Variants in HERC2 observed in about 807,000 individuals in gnomAD.
HERC2 encodes HECT and RLD domain containing E3 ubiquitin protein ligase 2.
Under a neutral mutation model 537.7 loss-of-function variants are expected in HERC2, and 102 were observed. The observed-to-expected ratio is 0.19, with a 90% CI of 0.16 to 0.22. HERC2 has a LOEUF of 0.22. Among genes scored for constraint, HERC2 ranks in the 10% least tolerant of loss-of-function variants. The pLI, the probability that HERC2 is intolerant of heterozygous loss-of-function variation, is 1.00. For synonymous variants in HERC2, 2,224 were observed against 2,466.2 expected (o/e 0.90, Z 2.91); for missense variants, 4,236 against 6,198.2 (o/e 0.68, Z 10.63).
chr15:28,217,356 C>A (rs1194898373), intron 38 of HERC2, among the ~76,000 whole-genome samples: 1 of 152,156 alleles, frequency 6.6e-6, no homozygotes, highest in Non-Finnish European at 1.5e-5. Context: ...CAACCACATG[C>A]TACCAACACA....
intron 2 of HERC2, chr15:28,320,121 C>CT (rs545538805): frequency 0.029 from 4,180 of 146,514 alleles, 60 homozygotes; most frequent in African/African-American, 0.097. Flanking sequence ...TCCACAACAG[C>CT]TTTTTTTTTT....
chr15:28,214,554 C>T (rs1327032208), intron 40 of HERC2, 101 bp downstream of exon 40: 2 of 1,440,498 alleles, frequency 1.4e-6, no homozygotes, highest in South Asian at 2.3e-5. Flanking sequence ...GGCACTGCGC[C>T]GCTCTTCACC....
chr15:28,153,735 C>T (rs958822197), intron 69 of HERC2, among the ~76,000 whole-genome samples: 3 of 152,192 alleles, frequency 2.0e-5, no homozygotes, highest in Non-Finnish European at 2.9e-5. Context: ...AATGAAACAC[C>T]GTGGTGACAA....
At chr15:28,164,807 A>C (rs921556997) in intron 68 of HERC2, among the ~76,000 whole-genome samples, 11 of 152,240 alleles carry the variant, frequency 7.2e-5, no homozygotes, top group African/African-American at 2.7e-4. Flanking sequence ...TAAAACAAAA[A>C]TGTTGCCTTC....
chr15:28,157,575 G>A (rs903750682), intron 69 of HERC2, among the ~76,000 whole-genome samples: 45 of 152,256 alleles, frequency 3.0e-4, no homozygotes, highest in African/African-American at 1.0e-3. Flanking sequence ...GTACTTCTAT[G>A]GAATCAGTGG....
In HERC2 at chr15:28,233,648, A is replaced by G. The variant is rs1474252670; in HGVS notation, c.4351+16T>C. Reference sequence around the variant, plus strand: ...TCTGCAGTGTACCTAAAGTACACAGATATCGAGCTCCTTACCTAAATCTTC... The same window carrying G: ...TCTGCAGTGTACCTAAAGTACACAGGTATCGAGCTCCTTACCTAAATCTTC... On this transcript the variant is annotated intron_variant, in intron 28 of 92. Coordinates refer to ENST00000261609, the MANE Select transcript of HERC2 (RefSeq NM_004667.6). 1.2e-6 allele frequency: 2 copies of G among 1,613,830 alleles called. No homozygotes were observed. The highest frequency in any genetic ancestry group is 1.1e-5 in the South Asian group (1 of 91,076).
At chr15:28,124,464 T>C (rs980552022) in intron 84 of HERC2, among the ~76,000 whole-genome samples, 2 of 152,242 alleles carry the variant, frequency 1.3e-5, no homozygotes, top group African/African-American at 4.8e-5. Flanking sequence ...ATGTGAGGCA[T>C]GTACTAGCAG....
In HERC2 at chr15:28,215,675, G is replaced by A. The variant is rs1354803923; in HGVS notation, c.6156C>T (p.Leu2052=). The change falls in exon 39 of 93, where the codon CTC becomes CTT. Residue 2052 remains leucine (L), a synonymous_variant. Coordinates refer to ENST00000261609, the MANE Select transcript of HERC2 (RefSeq NM_004667.6). The part of the protein sequence containing the change: ...ALSSPQWITL[L]MKVVEGHAPF... ...GTGCGTGCCCTTCCACGACCTTCAT[G>A]AGCAGCGTGATCCACTGCGGGGAGC... 1.2e-6 allele frequency: 2 copies of A among 1,611,920 alleles called. No homozygotes were observed. The highest frequency in any genetic ancestry group is 1.7e-5 in the Admixed American group (1 of 60,016).
chr15:28,116,226 T>C (rs1036972963), intron 88 of HERC2, among the ~76,000 whole-genome samples: 92 of 148,852 alleles, frequency 6.2e-4, no homozygotes, highest in African/African-American at 2.2e-3. Context: ...CTTTTTCTTT[T>C]TTTTTTTTTT....
intron 20 of HERC2, among the ~76,000 whole-genome samples, chr15:28,252,631 C>T (rs553929826): frequency 1.3e-5 from 2 of 152,248 alleles, no homozygotes; most frequent in East Asian, 3.9e-4. Flanking sequence ...GCTGTTGCAA[C>T]TGAAATTTTA....
Position 28,142,867 on chromosome 15 carries a change from A to G in HERC2, c.11504T>C (p.Val3835Ala), listed in dbSNP as rs1335405630. The G allele has an allele frequency of 6.3e-7, 1 of 1,588,940 alleles. No homozygotes were observed. The highest frequency in any genetic ancestry group is 1.3e-5 in the African/African-American group (1 of 74,244). ...GTGGAGCAGCTGTTTGCCACCCCTC[A>G]CAATAGGATCTTCATATTCAAACTG... ...QRQFEYEDPIVRGGKQLLHSP... is the reference protein window; with the variant it reads ...QRQFEYEDPIARGGKQLLHSP... The change falls in exon 75 of 93, where the codon GTG (valine) becomes GCG (alanine). Residue 3835 changes from valine to alanine, a missense_variant. Transcript: ENST00000261609.
intron 4 of HERC2, among the ~76,000 whole-genome samples, chr15:28,289,289 GAAGA>G (rs1287821453): frequency 3.3e-5 from 5 of 152,126 alleles, no homozygotes; most frequent in Non-Finnish European, 5.9e-5. Flanking sequence ...CACCAAATCA[GAAGA>G]AAGGAGAGTA....
intron 63 of HERC2, among the ~76,000 whole-genome samples, chr15:28,175,891 TTGTAGGTTTTC>T (rs1895242819): frequency 6.6e-6 from 1 of 152,198 alleles, no homozygotes; most frequent in Non-Finnish European, 1.5e-5. Flanking sequence ...TAAGTTACTG[TTGTAGGTTTTC>T]ATATAAAGAG....
intron 2 of HERC2, among the ~76,000 whole-genome samples, chr15:28,314,106 G>A (rs1006204294): frequency 6.6e-6 from 1 of 152,156 alleles, no homozygotes; most frequent in Non-Finnish European, 1.5e-5. Context: ...CTCTCTGGGG[G>A]AAGTTATTGT....
chr15:28,142,976 C>G (rs767493794), intron 74 of HERC2, 24 bp from the exon 75 acceptor site: 1 of 1,604,938 alleles, frequency 6.2e-7, no homozygotes, highest in Admixed American at 1.7e-5. Flanking sequence ...GAACAGTATT[C>G]TATCGCAGGA....
At chr15:28,223,365 G>T (rs960024762) in intron 35 of HERC2, among the ~76,000 whole-genome samples, 9 of 152,180 alleles carry the variant, frequency 5.9e-5, no homozygotes, top group African/African-American at 1.9e-4. Context: ...TCCCAAAGGT[G>T]GGCTTGGGCG....
chr15:28,174,648 A>C (rs1895068557), intron 64 of HERC2, 28 bp from the exon 65 acceptor site: 2 of 1,396,570 alleles, frequency 1.4e-6, no homozygotes, highest in Middle Eastern at 2.5e-4. Context: ...AAAGCTTATA[A>C]TTTTTCAACA....
intron 79 of HERC2, among the ~76,000 whole-genome samples, chr15:28,134,233 A>G (rs1890385349): frequency 6.6e-6 from 1 of 152,190 alleles, no homozygotes; most frequent in African/African-American, 2.4e-5. Flanking sequence ...GGGAGAGGGT[A>G]TTCTAAGTGG....
chr15:28,284,919 GAAAAAAAAAAAAAAAA>G (rs551327935), intron 4 of HERC2, among the ~76,000 whole-genome samples: 4 of 32,526 alleles, frequency 1.2e-4, no homozygotes, highest in Admixed American at 6.1e-4. Flanking sequence ...CTCCGTCTCG[GAAAAAAAAAAAAAAAA>G]AAAAAAAAAA....
Sources: allele counts gnomAD v4.1 joint callset (sites outside exome capture counted in the v4.1 genomes callset), GRCh38; gene constraint gnomAD v4.1.1; transcripts MANE v1.5; gene names NCBI Gene and HGNC (gene_info 2026-07-23, HGNC 2026-07-21).